The following CTIF variants were observed in gnomAD, a reference collection of about 807,000 sequenced individuals.
The protein encoded by CTIF is cap binding complex dependent translation initiation factor.
Under a neutral mutation model 66.0 loss-of-function variants are expected in CTIF, and 21 were observed. The observed-to-expected ratio is 0.32, with a 90% confidence interval of 0.23 to 0.46. The LOEUF (loss-of-function observed/expected upper bound fraction) is 0.46. Among genes scored for constraint, CTIF ranks in the 20% least tolerant of loss-of-function variants. The pLI is 1.00. For missense variants in CTIF, 739 were observed against 812.7 expected (o/e 0.91, Z 1.10); for synonymous variants, 345 against 326.4 (o/e 1.06, Z -0.62).
intron 1 of CTIF, among the ~76,000 whole-genome samples, chr18:48,618,863 G>A (rs1035253347): frequency 1.3e-5 from 2 of 152,208 alleles, no homozygotes; most frequent in Non-Finnish European, 2.9e-5. Flanking sequence ...CTGTGGCTAG[G>A]CCATATCAGC....
At chr18:48,578,861 T>A (rs2089592219) in intron 1 of CTIF, among the ~76,000 whole-genome samples, 1 of 152,204 alleles carries the variant, frequency 6.6e-6, no homozygotes, top group Non-Finnish European at 1.5e-5. Context: ...ATTTATCTCT[T>A]TTACTTACTG....
Position 48,773,258 on chromosome 18 carries a change from T to C in CTIF, c.1371+11569T>C, listed in dbSNP as rs116357171. Among the ~76,000 whole-genome samples, 702 of 152,312 alleles carry C rather than the reference T, an allele frequency of 4.6e-3. 9 individuals carry two copies. Among genetic ancestry groups the C allele is most frequent in the African/African-American group, 0.016 (672 of 41,562 alleles). The stretch of plus-strand genomic sequence containing the variant: ...GTTGAAAGAGGCCATGAAGACATGT[T>C]GATAGGTCATAGGATGTTGGACTTA... On this transcript the variant is annotated intron_variant, in intron 9 of 11. Coordinates refer to ENST00000256413, the MANE Select transcript of CTIF (RefSeq NM_014772.3).
At chr18:48,645,733 G>A (rs1339109535) in intron 3 of CTIF, among the ~76,000 whole-genome samples, 1 of 152,204 alleles carries the variant, frequency 6.6e-6, no homozygotes, top group African/African-American at 2.4e-5. Flanking sequence ...TAGACTCCCA[G>A]GGATGATGAG....
At chr18:48,673,220 C>T (rs2091565668) in intron 6 of CTIF, among the ~76,000 whole-genome samples, 1 of 152,194 alleles carries the variant, frequency 6.6e-6, no homozygotes, top group South Asian at 2.1e-4. Flanking sequence ...CCTCATAACC[C>T]CAGCACCAGG....
intron 3 of CTIF, among the ~76,000 whole-genome samples, chr18:48,655,088 A>G (rs565330809): frequency 6.6e-6 from 1 of 152,140 alleles, no homozygotes; most frequent in East Asian, 1.9e-4. Flanking sequence ...AAACCTGCGC[A>G]TTGTGCACAT....
At chr18:48,707,938 T>C (rs752348087) in intron 6 of CTIF, among the ~76,000 whole-genome samples, 1 of 152,240 alleles carries the variant, frequency 6.6e-6, no homozygotes, top group Non-Finnish European at 1.5e-5. Flanking sequence ...ATGCCTATTA[T>C]GGACGTTTCT....
intron 7 of CTIF, among the ~76,000 whole-genome samples, chr18:48,732,453 G>A (rs534274746): frequency 1.6e-4 from 25 of 151,886 alleles, no homozygotes; most frequent in Admixed American, 4.6e-4. Flanking sequence ...CTGACCAGCC[G>A]GACACTGCCC....
rs540111642 is a variant in CTIF, at chr18:48,805,004, G to A, written c.1372-12217G>A. 8.5e-5 allele frequency among the ~76,000 whole-genome samples: 13 copies of A among 152,356 alleles called. No homozygotes were observed. The East Asian group carries it at 2.3e-3, about 27-fold the overall frequency. ...TGTCCCAAGTCACAGGAACCAACTT[G>A]AGGTGGCTTAACATTGCTAAATCCT... On this transcript the variant is annotated intron_variant, in intron 9 of 11. Transcript: ENST00000256413.
chr18:48,581,220 T>A (rs1351931287), intron 1 of CTIF, among the ~76,000 whole-genome samples: 1 of 151,610 alleles, frequency 6.6e-6, no homozygotes, highest in Non-Finnish European at 1.5e-5. Context: ...TGTTTTTGTT[T>A]TTTTTTGGGT....
chr18:48,602,570 T>C (rs762243359), intron 1 of CTIF, among the ~76,000 whole-genome samples: 15 of 152,254 alleles, frequency 9.9e-5, no homozygotes, highest in Non-Finnish European at 2.2e-4. Context: ...CTAGTTCTAA[T>C]GTCTAATAGT....
rs147704893 is a variant in CTIF at position 48,738,056 on chromosome 18, C to T, written c.585-19863C>T. Among the ~76,000 whole-genome samples, 378 of 152,288 alleles carry T rather than the reference C, an allele frequency of 2.5e-3. 2 individuals are homozygous for T. The highest frequency in any genetic ancestry group is 8.9e-3 in the African/African-American group (368 of 41,546). On this transcript the variant is annotated intron_variant, in intron 7 of 11. Coordinates refer to ENST00000256413, the MANE Select transcript of CTIF (RefSeq NM_014772.3). ...AAGCTTCCATCTGCCCCAAGCCTGC[C>T]CCACTCCCTCTGTCTTCCCCATCTC... is the stretch of plus-strand genomic sequence containing the variant.
At chr18:48,813,809 GCCTGAGAGCACCAT>G (rs1399596735) in intron 9 of CTIF, among the ~76,000 whole-genome samples, 1 of 152,176 alleles carries the variant, frequency 6.6e-6, no homozygotes, top group Admixed American at 6.5e-5. Context: ...AGAGGGCTTT[GCCTGAGAGCACCAT>G]CCCTTAAAGG....
At chr18:48,684,887 A>G (rs1289636828) in intron 6 of CTIF, among the ~76,000 whole-genome samples, 1 of 152,264 alleles carries the variant, frequency 6.6e-6, no homozygotes, top group East Asian at 1.9e-4. Context: ...ATTCTTTTCC[A>G]TAAATGCAAT....
chr18:48,837,353 C>T (rs1280414653), intron 10 of CTIF, among the ~76,000 whole-genome samples: 1 of 151,896 alleles, frequency 6.6e-6, no homozygotes, highest in Non-Finnish European at 1.5e-5. Context: ...GGCACACATC[C>T]CCACTCAGAG....
At chr18:48,635,151 A>G (rs1044597531) in intron 2 of CTIF, among the ~76,000 whole-genome samples, 2 of 152,148 alleles carry the variant, frequency 1.3e-5, no homozygotes, top group African/African-American at 4.8e-5. Context: ...AATAACATCC[A>G]TCCTGGACAA....
intron 10 of CTIF, among the ~76,000 whole-genome samples, chr18:48,847,665 C>T (rs1358967957): frequency 1.3e-5 from 2 of 152,206 alleles, no homozygotes; most frequent in East Asian, 3.8e-4. Context: ...TTGAATCAAG[C>T]TTTGCACTTA....
intron 1 of CTIF, among the ~76,000 whole-genome samples, chr18:48,592,224 G>T (rs972641609): frequency 4.7e-5 from 6 of 128,846 alleles, no homozygotes; most frequent in African/African-American, 2.4e-4. Flanking sequence ...TCCTGGCTGG[G>T]TGCAGTGGCT....
At chr18:48,601,566 C>A (rs1046631442) in intron 1 of CTIF, among the ~76,000 whole-genome samples, 1 of 152,176 alleles carries the variant, frequency 6.6e-6, no homozygotes, top group East Asian at 1.9e-4. Flanking sequence ...GCCTGGGGAC[C>A]AGCCTGTGGG....
At chr18:48,632,602 T>C (rs563185077) in intron 2 of CTIF, among the ~76,000 whole-genome samples, 132 of 152,274 alleles carry the variant, frequency 8.7e-4, no homozygotes, top group Non-Finnish European at 1.5e-3. Flanking sequence ...CTTCAACCCC[T>C]GCATATGGAG....
Sources: gnomAD v4.1 joint callset for allele counts (sites outside exome capture counted in the v4.1 genomes callset) on GRCh38, gnomAD v4.1.1 for gene constraint, MANE v1.5 for transcripts, NCBI Gene and HGNC (gene_info 2026-07-23, HGNC 2026-07-21) for gene names.